MAP7: variants seen among roughly 807,000 people sequenced by gnomAD.
MAP7 encodes the protein microtubule associated protein 7.
MAP7 carries 52 observed loss-of-function variants against 94.8 expected under a neutral mutation model. The ratio of observed to expected loss-of-function variants is 0.55; its 90% CI spans 0.44 to 0.69. The LOEUF (loss-of-function observed/expected upper bound fraction) is 0.69, where lower values mean the gene tolerates loss of function less well. Ranked by LOEUF, MAP7 falls within the 30% of genes least tolerant of loss-of-function variation. The probability of loss-of-function intolerance (pLI) is 0.00; values close to 1 mark genes in which losing one functional copy is unlikely to be tolerated. For missense variants in MAP7, 940 were observed against 964.6 expected (o/e 0.97, Z 0.34); for synonymous variants, 350 against 357.0 (o/e 0.98, Z 0.22).
At chr6:136,481,470 A>G (rs562747915) in intron 1 of MAP7, among the ~76,000 whole-genome samples, 2 of 152,354 alleles carry the variant, frequency 1.3e-5, no homozygotes, top group African/African-American at 4.8e-5. Context: ...TTGCTACAAC[A>G]TGGATGGAAA....
intron 1 of MAP7, among the ~76,000 whole-genome samples, chr6:136,484,088 T>C (rs191514510): frequency 4.8e-4 from 73 of 152,310 alleles, no homozygotes; most frequent in African/African-American, 1.7e-3. Context: ...CACGCATCAG[T>C]TGACTTGAGA....
chr6:136,354,472 G>C (rs1480557454), intron 16 of MAP7, among the ~76,000 whole-genome samples: 1 of 143,434 alleles, frequency 7.0e-6, no homozygotes, highest in Non-Finnish European at 1.5e-5. Context: ...AATATATATA[G>C]TAGATATATA....
chr6:136,542,706 G>A (rs976313582), intron 1 of MAP7, among the ~76,000 whole-genome samples: 6 of 150,016 alleles, frequency 4.0e-5, no homozygotes, highest in South Asian at 2.1e-4. Context: ...AGCAAGCAAT[G>A]GTGTGTTAAA....
At chr6:136,521,025 T>C (rs1258903591) in intron 1 of MAP7, among the ~76,000 whole-genome samples, 1 of 152,112 alleles carries the variant, frequency 6.6e-6, no homozygotes, top group Non-Finnish European at 1.5e-5. Flanking sequence ...GGCCATGTAA[T>C]GCATATTCTA....
chr6:136,507,413 A>T (rs1821864531), intron 1 of MAP7, among the ~76,000 whole-genome samples: 1 of 151,672 alleles, frequency 6.6e-6, no homozygotes, highest in Non-Finnish European at 1.5e-5. Flanking sequence ...GACCAGAAAC[A>T]AATTTCTTTT....
chr6:136,353,681 G>A (rs1017657495), intron 16 of MAP7, among the ~76,000 whole-genome samples: 1 of 152,080 alleles, frequency 6.6e-6, no homozygotes, highest in African/African-American at 2.4e-5. Flanking sequence ...AGCCCCCCAA[G>A]TAGCTGGGAC....
chr6:136,355,756 C>T (rs1790735078), intron 16 of MAP7, among the ~76,000 whole-genome samples: 1 of 152,084 alleles, frequency 6.6e-6, no homozygotes, highest in Non-Finnish European at 1.5e-5. Context: ...AGTAGATTTC[C>T]CAAATTTAAA....
chr6:136,464,160 T>C (rs1343433045), intron 1 of MAP7, among the ~76,000 whole-genome samples: 1 of 152,184 alleles, frequency 6.6e-6, no homozygotes, highest in African/African-American at 2.4e-5. Flanking sequence ...GAAGTAAACT[T>C]CTTGATTTTT....
intron 2 of MAP7, among the ~76,000 whole-genome samples, chr6:136,412,987 C>T (rs1303385812): frequency 1.3e-5 from 2 of 151,788 alleles, no homozygotes; most frequent in African/African-American, 2.4e-5. Context: ...ACGGTGAAAC[C>T]GTCTCTGCTA....
intron 3 of MAP7, among the ~76,000 whole-genome samples, chr6:136,389,979 A>T (rs145969084): frequency 1.3e-5 from 2 of 152,218 alleles, no homozygotes; most frequent in African/African-American, 4.8e-5. Context: ...AGATGTCTGA[A>T]GTGCCTTACA....
chr6:136,401,800 C>A (rs1408231498), intron 3 of MAP7, among the ~76,000 whole-genome samples: 1 of 151,822 alleles, frequency 6.6e-6, no homozygotes, highest in Non-Finnish European at 1.5e-5. Flanking sequence ...AAAAAGAAAC[C>A]CTGTCTCTAA....
intron 1 of MAP7, among the ~76,000 whole-genome samples, chr6:136,443,897 A>G (rs535261758): frequency 1.2e-4 from 19 of 152,320 alleles, no homozygotes; most frequent in Non-Finnish European, 1.5e-4. Context: ...AACACAAAAA[A>G]TACTGTGGGA....
At chr6:136,370,909 T>G (rs1410116779) in intron 8 of MAP7, among the ~76,000 whole-genome samples, 3 of 136,386 alleles carry the variant, frequency 2.2e-5, no homozygotes, top group East Asian at 4.8e-4. Context: ...TACATGCTTT[T>G]TTTTTTTTTT....
chr6:136,450,878 G>A (rs189602192), intron 1 of MAP7, among the ~76,000 whole-genome samples: 101 of 152,198 alleles, frequency 6.6e-4, no homozygotes, highest in African/African-American at 1.7e-3. Flanking sequence ...GGTTACTGCT[G>A]GTGGGGCTCA....
intron 1 of MAP7, among the ~76,000 whole-genome samples, chr6:136,527,931 G>A (rs886355809): frequency 2.0e-5 from 3 of 152,154 alleles, no homozygotes; most frequent in African/African-American, 7.2e-5. Flanking sequence ...ATGAAGAAAC[G>A]CAGGAAATTT....
At chr6:136,481,600 T>G (rs570160748) in intron 1 of MAP7, among the ~76,000 whole-genome samples, 1 of 152,150 alleles carries the variant, frequency 6.6e-6, no homozygotes, top group Non-Finnish European at 1.5e-5. Flanking sequence ...ATGATGGTTA[T>G]CAGCAGCTGG....
intron 1 of MAP7, among the ~76,000 whole-genome samples, chr6:136,545,730 T>C (rs755657706): frequency 6.6e-5 from 10 of 151,452 alleles, no homozygotes; most frequent in Non-Finnish European, 1.0e-4. Flanking sequence ...TTTAAAAGTT[T>C]ATTTTTTTAT....
intron 1 of MAP7, among the ~76,000 whole-genome samples, chr6:136,458,881 C>A (rs1293551263): frequency 6.6e-6 from 1 of 151,960 alleles, no homozygotes; most frequent in African/African-American, 2.4e-5. Flanking sequence ...AAAACACATA[C>A]AATAAAAGCA....
chr6:136,530,738 T>A (rs2129056177), intron 1 of MAP7, among the ~76,000 whole-genome samples: 1 of 145,272 alleles, frequency 6.9e-6, no homozygotes, highest in South Asian at 2.1e-4. Flanking sequence ...CACAAAGAAA[T>A]ATCATCCCTT....
Sources: allele counts gnomAD v4.1 joint callset (sites outside exome capture counted in the v4.1 genomes callset), GRCh38; gene constraint gnomAD v4.1.1; transcripts MANE v1.5; gene names NCBI Gene and HGNC (gene_info 2026-07-23, HGNC 2026-07-21).